The following FAAH2 variants were observed in gnomAD, a reference collection of about 807,000 sequenced individuals.
FAAH2 encodes fatty acid amide hydrolase 2.
Under a neutral mutation model 36.9 loss-of-function variants are expected in FAAH2, and 60 were observed. The observed-to-expected ratio is 1.63, with a 90% CI of 1.32 to 2.02. The LOEUF is 2.02. FAAH2 is among the 30% of genes most tolerant of loss of function. The probability of loss-of-function intolerance (pLI) is 0.00; values close to 1 mark genes in which losing one functional copy is unlikely to be tolerated. For synonymous variants in FAAH2, 214 were observed against 143.8 expected, an observed-to-expected ratio of 1.49 and a Z score of -3.49; for missense variants, 689 against 397.5, an observed-to-expected ratio of 1.73 and a Z score of -6.23.
intron 10 of FAAH2, among the ~76,000 whole-genome samples, chrX:57,477,854 T>C (rs774262837): frequency 8.9e-6 from 1 of 112,080 alleles, no homozygotes; most frequent in East Asian, 2.8e-4. Context: ...TTCCATGGTG[T>C]ATGTGTGCCA....
chrX:57,321,002 T>C (rs1243584432), intron 3 of FAAH2, among the ~76,000 whole-genome samples: 2 of 109,366 alleles, frequency 1.8e-5, no homozygotes, highest in South Asian at 4.0e-4. Flanking sequence ...TAGCTGGGTG[T>C]GGTGGTGGGC....
the FAAH2 span, among the ~76,000 whole-genome samples, chrX:57,281,337 T>C: frequency 8.9e-6 from 1 of 111,773 alleles, no homozygotes; most frequent in Non-Finnish European, 1.9e-5. Flanking sequence ...GGTCAAAAGT[T>C]TATCATTTCC....
chrX:57,310,074 T>C (rs927999056), intron 2 of FAAH2, among the ~76,000 whole-genome samples: 2 of 112,192 alleles, frequency 1.8e-5, no homozygotes, highest in Non-Finnish European at 3.8e-5. Context: ...TTTACCTCTG[T>C]AGCCTCGGCA....
At chrX:57,422,235 C>T in intron 7 of FAAH2, among the ~76,000 whole-genome samples, 1 of 112,031 alleles carries the variant, frequency 8.9e-6, no homozygotes, top group Non-Finnish European at 1.9e-5. Flanking sequence ...CAGGATCCAT[C>T]TGTTTTCTGC....
the FAAH2 span, among the ~76,000 whole-genome samples, chrX:57,216,966 A>G: frequency 2.7e-5 from 3 of 109,710 alleles, no homozygotes; most frequent in Middle Eastern, 4.6e-3. Context: ...TATTATGGCC[A>G]TTCTTTCAGG....
chrX:57,279,035 G>A, the FAAH2 span, among the ~76,000 whole-genome samples: 2 of 112,278 alleles, frequency 1.8e-5, no homozygotes, highest in Non-Finnish European at 3.8e-5. Flanking sequence ...CATTGTGGAA[G>A]ACAATGTGGC....
At chrX:57,169,318 C>CGT in the FAAH2 span, among the ~76,000 whole-genome samples, 93 of 100,735 alleles carry the variant, frequency 9.2e-4, no homozygotes, top group Non-Finnish European at 1.5e-3. Flanking sequence ...GCTGTCATCA[C>CGT]GTGTGTGTGT....
the FAAH2 span, among the ~76,000 whole-genome samples, chrX:57,221,557 A>T: frequency 9.0e-6 from 1 of 110,552 alleles, no homozygotes; most frequent in African/African-American, 3.3e-5. Flanking sequence ...CCCTTTTAAC[A>T]CACCAGTTCT....
intron 5 of FAAH2, among the ~76,000 whole-genome samples, chrX:57,372,250 T>C (rs1341318914): frequency 1.8e-5 from 2 of 111,660 alleles, no homozygotes; most frequent in Non-Finnish European, 3.8e-5. Flanking sequence ...CTGAACCAAC[T>C]GACATTCCCA....
intron 8 of FAAH2, among the ~76,000 whole-genome samples, chrX:57,438,631 A>C (rs2056470805): frequency 9.1e-6 from 1 of 109,815 alleles, no homozygotes; most frequent in Non-Finnish European, 1.9e-5. Context: ...TTTAAGTTTT[A>C]GGGTACATGT....
At chrX:57,415,513 G>A (rs1180358616) in intron 7 of FAAH2, among the ~76,000 whole-genome samples, 1 of 111,929 alleles carries the variant, frequency 8.9e-6, no homozygotes, top group Non-Finnish European at 1.9e-5. Flanking sequence ...AGGTTGCTCA[G>A]TTTCCATGTA....
rs755464190 is a variant in FAAH2 at position 57,429,536 on chromosome X, T to A, written c.997-2382T>A. Among the ~76,000 whole-genome samples, 4 of 111,130 alleles carry A rather than the reference T, an allele frequency of 3.6e-5. No individual in the cohort carries two copies. The South Asian group carries it at 1.1e-3, about 31-fold the overall frequency. On this transcript the variant is annotated intron_variant, in intron 7 of 10. Coordinates refer to ENST00000374900, the MANE Select transcript of FAAH2 (RefSeq NM_174912.4). ...TACTAAGAAGTCAAAAAATAACAGA[T>A]ATTGGCAAGTATGGAGAAAAAAGGA...
chrX:57,401,721 AC>A (rs2055440856), intron 7 of FAAH2, among the ~76,000 whole-genome samples: 1 of 110,918 alleles, frequency 9.0e-6, no homozygotes, highest in African/African-American at 3.3e-5. Context: ...TTTAACTTGA[AC>A]AGGACAGGCA....
rs574418502 is a variant in FAAH2, at chrX:57,417,326, C to G, written c.997-14592C>G. On this transcript the variant is annotated intron_variant, in intron 7 of 10. Transcript: ENST00000374900. ...GCAGTGTTCTGGTTTTTGGAATTTT[C>G]AGGCTCTTTGTGCTGTTTTTTCCTC... 5.3e-5 allele frequency among the ~76,000 whole-genome samples: 6 copies of G among 112,194 alleles called. 1 individual carries two copies. The South Asian group carries it at 2.2e-3, about 42-fold the overall frequency.
At chrX:57,163,572 T>G in the FAAH2 span, among the ~76,000 whole-genome samples, 1 of 111,643 alleles carries the variant, frequency 9.0e-6, no homozygotes, top group Admixed American at 9.5e-5. Flanking sequence ...GGTGCGCCGT[T>G]TTTTAAGCCC....
chrX:57,174,304 G>A, the FAAH2 span, among the ~76,000 whole-genome samples: 1 of 108,974 alleles, frequency 9.2e-6, no homozygotes, highest in African/African-American at 3.3e-5. Context: ...GTTTCTTCCT[G>A]ATTCAAGCTG....
chrX:57,344,989 A>G (rs1024838393), intron 5 of FAAH2, among the ~76,000 whole-genome samples: 12 of 110,890 alleles, frequency 1.1e-4, no homozygotes, highest in Non-Finnish European at 1.5e-4. Context: ...TAAGTTTGCT[A>G]GTATTTTGTT....
chrX:57,362,409 G>T (rs1209881969), intron 5 of FAAH2, among the ~76,000 whole-genome samples: 2 of 110,732 alleles, frequency 1.8e-5, no homozygotes, highest in Non-Finnish European at 3.8e-5. Context: ...GTAGATGACG[G>T]GTTGATGGGT....
At chrX:57,382,470 G>A (rs1198392559) in intron 7 of FAAH2, among the ~76,000 whole-genome samples, 2 of 111,250 alleles carry the variant, frequency 1.8e-5, no homozygotes, top group Non-Finnish European at 3.8e-5. Context: ...TCAAATAGAC[G>A]CAATAAAAAA....
Sources: allele counts gnomAD v4.1 joint callset (sites outside exome capture counted in the v4.1 genomes callset), GRCh38; gene constraint gnomAD v4.1.1; transcripts MANE v1.5; gene names NCBI Gene and HGNC (gene_info 2026-07-23, HGNC 2026-07-21).